Variants in NTMT2 observed in about 807,000 individuals in gnomAD.
The protein encoded by NTMT2 is N-terminal Xaa-Pro-Lys N-methyltransferase 2.
Under a neutral mutation model 23.4 loss-of-function variants are expected in NTMT2, and 21 were observed. The observed-to-expected ratio is 0.90, with a 90% CI of 0.64 to 1.29. The LOEUF (loss-of-function observed/expected upper bound fraction) is 1.29, where lower values mean the gene tolerates loss of function less well. Among genes scored for constraint, NTMT2 ranks in the 50% most tolerant of loss-of-function variants. The pLI is 0.00. For synonymous variants in NTMT2, 131 were observed against 127.7 expected, an observed-to-expected ratio of 1.03 and a Z score of -0.17; for missense variants, 336 against 352.0, an observed-to-expected ratio of 0.95 and a Z score of 0.36.
intron 3 of NTMT2, 80 bp from the exon 4 acceptor site, chr1:170,167,406 T>C: frequency 7.9e-7 from 1 of 1,262,982 alleles, no homozygotes; most frequent in Non-Finnish European, 1.1e-6. Flanking sequence ...TCCTGATTCT[T>C]AGCCATGTTC....
rs541733209 is a variant in NTMT2, at chr1:170,146,118, G to A, written c.11G>A (p.Arg4Gln). The change falls in exon 1 of 4, where the codon CGG becomes CAG. Residue 4 changes from arginine to glutamine, a missense_variant. Coordinates refer to ENST00000439373, the MANE Select transcript of NTMT2 (RefSeq NM_001136107.2). ...TTATCCCCCTTTGTCATGGCCCACC[G>A]GGGAGCCCATTTTGCCTTTAGATCC... MAH[R>Q]GAHFAFRSRW... is the part of the protein sequence containing the mutation. The A allele has an allele frequency of 1.2e-5, 19 of 1,550,788 alleles. No homozygotes were observed. Among genetic ancestry groups the A allele is most frequent in the South Asian group, 7.2e-5 (6 of 83,902 alleles).
intron 3 of NTMT2, 23 bp from the exon 4 acceptor site, chr1:170,167,463 C>G: frequency 6.6e-7 from 1 of 1,523,046 alleles, no homozygotes; most frequent in Non-Finnish European, 8.8e-7. Context: ...CCTGTTCCCC[C>G]ATCCACTTGG....
At chr1:170,147,469 CT>C (rs1003963801) in intron 1 of NTMT2, among the ~76,000 whole-genome samples, 3 of 151,518 alleles carry the variant, frequency 2.0e-5, no homozygotes, top group Non-Finnish European at 2.9e-5. Context: ...AAGTCCAGGG[CT>C]TTTTTTTGGT....
At chr1:170,154,635 A>G (rs1465745023) in intron 1 of NTMT2, among the ~76,000 whole-genome samples, 1 of 152,076 alleles carries the variant, frequency 6.6e-6, no homozygotes, top group South Asian at 2.1e-4. Flanking sequence ...CTGTATCCCC[A>G]TTGTATCATG....
intron 1 of NTMT2, among the ~76,000 whole-genome samples, chr1:170,155,054 G>A (rs1231085507): frequency 6.6e-6 from 1 of 151,704 alleles, no homozygotes; most frequent in Non-Finnish European, 1.5e-5. Flanking sequence ...TGCCTGCTCT[G>A]GCTTCACTTT....
intron 1 of NTMT2, among the ~76,000 whole-genome samples, chr1:170,160,056 A>G (rs990047030): frequency 6.6e-6 from 1 of 152,224 alleles, no homozygotes; most frequent in Admixed American, 6.5e-5. Flanking sequence ...AAGATATAAA[A>G]ACAGTTACCC....
In NTMT2 at chr1:170,168,864, A is replaced by G. The variant is rs559838225; in HGVS notation, c.*1107A>G. On this transcript the variant is annotated 3_prime_UTR_variant, in exon 4 of 4. Coordinates refer to ENST00000439373, the MANE Select transcript of NTMT2 (RefSeq NM_001136107.2). The stretch of plus-strand genomic sequence containing the variant: ...GTTTAATTAAAAATAATCTAAAATC[A>G]TTCAAAAAATGTAATTCAATTTTTA... Among the ~76,000 whole-genome samples the G allele has an allele frequency of 6.6e-6, 1 of 152,368 alleles. No individual in the cohort carries two copies. The highest frequency in any genetic ancestry group is 2.1e-4 in the South Asian group (1 of 4,830).
At chr1:170,162,279 A>G (rs2102239723) in intron 2 of NTMT2, among the ~76,000 whole-genome samples, 1 of 152,338 alleles carries the variant, frequency 6.6e-6, no homozygotes, top group East Asian at 1.9e-4. Flanking sequence ...GATAAAGGAA[A>G]CATAAACATT....
rs530365641 is a variant in NTMT2 at position 170,168,032 on chromosome 1, C to T, written c.*275C>T. On this transcript the variant is annotated 3_prime_UTR_variant, in exon 4 of 4. Transcript: ENST00000439373. Reference sequence around the variant, plus strand: ...TTAAATCCGTTTGTATGTATCTAAACTGTGCAAGCGTGCATGAAAACAGAA... The same window carrying T: ...TTAAATCCGTTTGTATGTATCTAAATTGTGCAAGCGTGCATGAAAACAGAA... Among the ~76,000 whole-genome samples, 115 of 151,896 alleles carry T rather than the reference C, an allele frequency of 7.6e-4. 1 individual carries two copies. The highest frequency in any genetic ancestry group is 2.5e-3 in the African/African-American group (102 of 41,462).
chr1:170,150,556 A>C (rs997025776), intron 1 of NTMT2, among the ~76,000 whole-genome samples: 6 of 152,122 alleles, frequency 3.9e-5, no homozygotes, highest in African/African-American at 1.4e-4. Context: ...AGGTGATCTA[A>C]CTCCATGATC....
At chr1:170,160,809 C>G in intron 2 of NTMT2, 116 bp downstream of exon 2, 1 of 828,908 alleles carries the variant, frequency 1.2e-6, no homozygotes, top group Non-Finnish European at 1.8e-6. Flanking sequence ...GCCAAGAGTT[C>G]TGCCGCCTGC....
chr1:170,164,594 C>A (rs1673336504), intron 2 of NTMT2, among the ~76,000 whole-genome samples: 1 of 152,322 alleles, frequency 6.6e-6, no homozygotes, highest in African/African-American at 2.4e-5. Flanking sequence ...TATATTACCA[C>A]TTCCCCTTCT....
At chr1:170,166,793 C>T in intron 3 of NTMT2, 42 bp downstream of exon 3, 1 of 1,546,198 alleles carries the variant, frequency 6.5e-7, no homozygotes, top group Non-Finnish European at 8.8e-7. Context: ...CTCCCCTTCT[C>T]AGCCAGAGAA....
intron 2 of NTMT2, among the ~76,000 whole-genome samples, chr1:170,166,177 T>A (rs2102243004): frequency 7.2e-6 from 1 of 139,230 alleles, no homozygotes; most frequent in African/African-American, 2.6e-5. Flanking sequence ...TCTCGCTCTG[T>A]GGCCCAGGCG....
At chr1:170,146,340 G>T in intron 1 of NTMT2, 79 bp downstream of exon 1, 2 of 1,349,160 alleles carry the variant, frequency 1.5e-6, no homozygotes, top group Admixed American at 2.7e-5. Flanking sequence ...TTCTAGAAGA[G>T]AATTTAAAAC....
At chr1:170,157,890 G>T (rs1327434953) in intron 1 of NTMT2, 1 of 151,906 alleles carries the variant, frequency 6.6e-6, no homozygotes, top group Non-Finnish European at 1.5e-5. Context: ...CTATTGCCTT[G>T]GATCTAGCTT....
In NTMT2 at chr1:170,146,182, C is replaced by T; in HGVS notation, c.75C>T (p.Ser25=). The T allele has an allele frequency of 6.4e-7, 1 of 1,551,110 alleles. No individual in the cohort carries two copies. The part of the protein sequence containing the change: ...QKTDDELCRH[S]MSFILHKAIR... ...CCGACGATGAACTCTGTAGACATAG[C>T]ATGTCTTTTATCCTTCACAAAGCCA... Residue 25 remains serine, a synonymous_variant, in exon 1 of 4, where the codon AGC becomes AGT. Transcript: ENST00000439373.
At chr1:170,156,403 T>C (rs1457542736) in intron 1 of NTMT2, among the ~76,000 whole-genome samples, 5 of 152,210 alleles carry the variant, frequency 3.3e-5, no homozygotes, top group Admixed American at 6.5e-5. Context: ...AGAAATTTCA[T>C]CTTTATTCTC....
intron 1 of NTMT2, among the ~76,000 whole-genome samples, chr1:170,156,560 C>A (rs73023515): frequency 0.019 from 2,904 of 152,158 alleles, 74 homozygotes; most frequent in South Asian, 0.074. Context: ...TTGTCTTGAA[C>A]TACCCCAAGT....
Sources: allele counts gnomAD v4.1 joint callset (sites outside exome capture counted in the v4.1 genomes callset), GRCh38; gene constraint gnomAD v4.1.1; transcripts MANE v1.5; gene names NCBI Gene and HGNC (gene_info 2026-07-23, HGNC 2026-07-21).